Variants in ACOT7 observed in about 807,000 individuals in gnomAD.
ACOT7 encodes acyl-CoA thioesterase 7.
In ACOT7, 12 loss-of-function variants were observed where a neutral mutation model predicts 40.2. The ratio of observed to expected loss-of-function variants is 0.30; its 90% confidence interval spans 0.19 to 0.48. The LOEUF (loss-of-function observed/expected upper bound fraction) is 0.48, where lower values mean the gene tolerates loss of function less well. Among genes scored for constraint, ACOT7 ranks in the 20% least tolerant of loss-of-function variants. ACOT7 has a pLI of 0.99. For synonymous variants in ACOT7, 228 were observed against 219.5 expected (o/e 1.04, Z -0.34); for missense variants, 395 against 530.8 (o/e 0.74, Z 2.51).
chr1:6,318,647 G>T, intron 5 of ACOT7, 69 bp from the exon 6 acceptor site: 1 of 1,493,260 alleles, frequency 6.7e-7, no homozygotes, highest in Non-Finnish European at 9.3e-7. Context: ...GTCTGGCAAT[G>T]CCGAAACCAC....
intron 1 of ACOT7, chr1:6,360,491 A>G: frequency 6.4e-7 from 1 of 1,567,730 alleles, no homozygotes; most frequent in Non-Finnish European, 8.8e-7. Flanking sequence ...CCACCCTGGC[A>G]CACAGGACAG....
chr1:6,340,247 T>C (rs1217859665), intron 2 of ACOT7, among the ~76,000 whole-genome samples: 1 of 152,122 alleles, frequency 6.6e-6, no homozygotes, highest in African/African-American at 2.4e-5. Context: ...ATTACAGGCA[T>C]GAGCCACCGC....
chr1:6,269,910 CCT>C (rs1455137248), intron 8 of ACOT7, among the ~76,000 whole-genome samples: 1 of 152,162 alleles, frequency 6.6e-6, no homozygotes, highest in Non-Finnish European at 1.5e-5. Flanking sequence ...GGCCTTCCTC[CCT>C]GAGTGCCCAG....
At chr1:6,390,604 C>G (rs4536029) in intron 1 of ACOT7, among the ~76,000 whole-genome samples, 54,564 of 151,566 alleles carry the variant, frequency 0.36, 14,951 homozygotes, top group African/African-American at 0.78. Flanking sequence ...CAATTGTGAA[C>G]CTGAGATAGC....
chr1:6,361,327 G>A (rs1286511965), intron 1 of ACOT7, among the ~76,000 whole-genome samples: 1 of 152,190 alleles, frequency 6.6e-6, no homozygotes, highest in Non-Finnish European at 1.5e-5. Context: ...GGGGCTGGAG[G>A]AGGGGAAATG....
chr1:6,381,824 A>G (rs1403525043), intron 1 of ACOT7, among the ~76,000 whole-genome samples: 1 of 151,966 alleles, frequency 6.6e-6, no homozygotes, highest in East Asian at 1.9e-4. Flanking sequence ...GAAATGGAAC[A>G]TGATTCAGTC....
At chr1:6,362,248 T>C (rs1641908297) in intron 1 of ACOT7, among the ~76,000 whole-genome samples, 1 of 152,016 alleles carries the variant, frequency 6.6e-6, no homozygotes, top group African/African-American at 2.4e-5. Context: ...CTGGCCAACA[T>C]GGCAAAACTC....
rs1268366632 is a variant in ACOT7 at position 6,311,222 on chromosome 1, T to C, written c.712+7270A>G. Among the ~76,000 whole-genome samples the C allele has an allele frequency of 6.6e-6, 1 of 152,228 alleles. No individual in the cohort carries two copies. The highest frequency in any genetic ancestry group is 2.4e-5 in the African/African-American group (1 of 41,462). On this transcript the variant is annotated intron_variant, in intron 6 of 8. Coordinates refer to ENST00000361521, the MANE Select transcript of ACOT7 (RefSeq NM_007274.4). This position sits in a 1 kb window ranked among gnomAD's most constrained non-coding sequence, Gnocchi z 5.2. ...TTCTGTTTCAGAGCAGAGTTAGTTT[T>C]TACTCAGAGCCGATGTGATCAGTAA...
At position 6,318,148 on chromosome 1, in the gene ACOT7, T is replaced by C. The variant is rs139199499; in HGVS notation, c.712+344A>G. Among the ~76,000 whole-genome samples, 437 of 152,304 alleles carry C rather than the reference T, an allele frequency of 2.9e-3. 1 individual carries two copies. The highest frequency in any genetic ancestry group is 0.01 in the African/African-American group (419 of 41,576). ...ATGGCTCACTGCAACTTCGACCTCC[T>C]GGGCTCAAGCGATCCTCCCACCTCA... On this transcript the variant is annotated intron_variant, in intron 6 of 8. Transcript: ENST00000361521.
chr1:6,381,997 G>T (rs552211038), intron 1 of ACOT7, among the ~76,000 whole-genome samples: 11 of 151,816 alleles, frequency 7.2e-5, no homozygotes, highest in African/African-American at 2.4e-4. Flanking sequence ...AATTAGCTGG[G>T]CGTGATGGTG....
chr1:6,390,521 G>C (rs184508875), intron 1 of ACOT7, among the ~76,000 whole-genome samples: 2 of 152,138 alleles, frequency 1.3e-5, no homozygotes, highest in Non-Finnish European at 2.9e-5. Context: ...GCAGTTAGCC[G>C]AGAGTGTGTC....
intron 2 of ACOT7, among the ~76,000 whole-genome samples, chr1:6,341,720 C>A (rs987047971): frequency 6.6e-6 from 1 of 151,942 alleles, no homozygotes; most frequent in Admixed American, 6.6e-5. Context: ...CCAGCCTGGG[C>A]GACAGAGCGA....
intron 3 of ACOT7, among the ~76,000 whole-genome samples, chr1:6,339,148 G>C (rs762846947): frequency 4.6e-5 from 7 of 151,840 alleles, no homozygotes; most frequent in Non-Finnish European, 1.0e-4. Context: ...AGCTGGCCAC[G>C]GGCAGCAGGA....
rs141102892 is a variant in ACOT7 at position 6,296,343 on chromosome 1, G to A, written c.713-1363C>T. 4.1e-3 allele frequency among the ~76,000 whole-genome samples: 626 copies of A among 152,284 alleles called. 5 individuals carry two copies. Among genetic ancestry groups the A allele is most frequent in the African/African-American group, 0.015 (611 of 41,552 alleles). On this transcript the variant is annotated intron_variant, in intron 6 of 8. Coordinates refer to ENST00000361521, the MANE Select transcript of ACOT7 (RefSeq NM_007274.4). ...TTTACTCAGTCTCTCTTATTTGATG[G>A]ACCACCACTGTGCACATGCTGGTCC...
At chr1:6,371,359 G>C (rs1642130013) in intron 1 of ACOT7, among the ~76,000 whole-genome samples, 1 of 132,958 alleles carries the variant, frequency 7.5e-6, no homozygotes, top group African/African-American at 3.6e-5. Context: ...GAGTCAGCCT[G>C]TCCTTTTTTT....
intron 1 of ACOT7, among the ~76,000 whole-genome samples, chr1:6,357,480 C>A (rs957703026): frequency 6.6e-6 from 1 of 152,226 alleles, no homozygotes; most frequent in African/African-American, 2.4e-5. Flanking sequence ...GCACCAGGTG[C>A]GTGTGCTCCA....
chr1:6,370,453 G>GTTATTA (rs1169165362), intron 1 of ACOT7, among the ~76,000 whole-genome samples: 1 of 144,294 alleles, frequency 6.9e-6, no homozygotes, highest in Non-Finnish European at 1.5e-5. Context: ...AATGAGCAGT[G>GTTATTA]TTAGTATTAT....
chr1:6,309,698 C>G (rs1161907431), intron 6 of ACOT7, among the ~76,000 whole-genome samples: 5 of 152,202 alleles, frequency 3.3e-5, no homozygotes, highest in African/African-American at 1.2e-4. Context: ...GTTAAGGAGG[C>G]TTAGGCTTAA....
At chr1:6,363,405 T>G (rs993544092) in intron 1 of ACOT7, among the ~76,000 whole-genome samples, 1 of 152,064 alleles carries the variant, frequency 6.6e-6, no homozygotes, top group Non-Finnish European at 1.5e-5. Context: ...CTCCACCTCT[T>G]GTGGAGGGCC....
Sources: gnomAD v4.1 joint callset for allele counts (sites outside exome capture counted in the v4.1 genomes callset) on GRCh38, gnomAD v4.1.1 for gene constraint, Gnocchi (gnomAD v3.1) non-coding constraint, MANE v1.5 for transcripts, NCBI Gene and HGNC (gene_info 2026-07-23, HGNC 2026-07-21) for gene names.